The following PEBP4 variants were observed in gnomAD, a reference collection of about 807,000 sequenced individuals.
PEBP4 encodes phosphatidylethanolamine binding protein 4, also known as phosphatidylethanolamine-binding protein 4.
In PEBP4, 22 loss-of-function variants were observed where a neutral mutation model predicts 23.9. The observed-to-expected ratio is 0.92, with a 90% CI of 0.66 to 1.31. The LOEUF is 1.31. PEBP4 is among the 40% of genes most tolerant of loss of function. The pLI is 0.00. For synonymous variants in PEBP4, 112 were observed against 99.3 expected, an observed-to-expected ratio of 1.13 and a Z score of -0.76; for missense variants, 324 against 281.7, an observed-to-expected ratio of 1.15 and a Z score of -1.07.
chr8:22,892,799 CAGTA>C (rs760875245), intron 3 of PEBP4, among the ~76,000 whole-genome samples: 3 of 152,108 alleles, frequency 2.0e-5, no homozygotes, highest in Non-Finnish European at 4.4e-5. Context: ...CAGTGTGGGG[CAGTA>C]ATCAGCAAAA....
At chr8:22,769,853 C>T (rs192989600) in intron 4 of PEBP4, among the ~76,000 whole-genome samples, 60 of 152,196 alleles carry the variant, frequency 3.9e-4, no homozygotes, top group African/African-American at 1.4e-3. Context: ...AAAAGAAAGC[C>T]GTCATCCTTC....
intron 6 of PEBP4, among the ~76,000 whole-genome samples, chr8:22,719,475 G>T: frequency 6.6e-6 from 1 of 152,214 alleles, no homozygotes. Context: ...AGCCAGGGAG[G>T]GGGTGTGTGC....
intron 4 of PEBP4, among the ~76,000 whole-genome samples, chr8:22,768,816 C>G (rs550722683): frequency 2.5e-4 from 38 of 152,238 alleles, no homozygotes; most frequent in Middle Eastern, 3.4e-3. Context: ...GGAGACCCAC[C>G]CTTGGCTGTG....
At chr8:22,774,607 G>A (rs969668911) in intron 4 of PEBP4, among the ~76,000 whole-genome samples, 6 of 152,172 alleles carry the variant, frequency 3.9e-5, no homozygotes, top group East Asian at 1.9e-4. Flanking sequence ...GGTAGGGGCC[G>A]AGTCCCCTCC....
chr8:22,759,679 G>C (rs921800692), intron 4 of PEBP4, among the ~76,000 whole-genome samples: 1 of 152,198 alleles, frequency 6.6e-6, no homozygotes, highest in African/African-American at 2.4e-5. Flanking sequence ...TTGCAATCTT[G>C]ATTCCTTTCT....
chr8:22,817,527 A>G (rs1806768502), intron 4 of PEBP4, 110 bp downstream of exon 4: 3 of 1,011,152 alleles, frequency 3.0e-6, no homozygotes, highest in Admixed American at 1.8e-5. Flanking sequence ...GAGATGGGAC[A>G]CAGAAGTCCT....
intron 3 of PEBP4, among the ~76,000 whole-genome samples, chr8:22,824,372 C>T (rs1806923736): frequency 6.6e-6 from 1 of 152,124 alleles, no homozygotes; most frequent in Admixed American, 6.5e-5. Context: ...TCCCTCCCTG[C>T]CCTGATGTTC....
At chr8:22,807,916 A>G (rs553922631) in intron 4 of PEBP4, among the ~76,000 whole-genome samples, 1 of 145,604 alleles carries the variant, frequency 6.9e-6, no homozygotes, top group East Asian at 2.2e-4. Context: ...ACCTCTGTCC[A>G]CCTATCCATT....
chr8:22,733,427 G>GAACC (rs1351788145), intron 4 of PEBP4, among the ~76,000 whole-genome samples: 1 of 152,162 alleles, frequency 6.6e-6, no homozygotes, highest in African/African-American at 2.4e-5. Context: ...CTCACCTGGG[G>GAACC]AACCCCTTAG....
chr8:22,733,625 G>C (rs1171983126), intron 4 of PEBP4, among the ~76,000 whole-genome samples: 3 of 152,104 alleles, frequency 2.0e-5, no homozygotes, highest in African/African-American at 7.2e-5. Context: ...CAGAGCAAAG[G>C]GTCAGTCGCA....
At chr8:22,909,614 A>C (rs1169153562) in intron 3 of PEBP4, among the ~76,000 whole-genome samples, 1 of 151,942 alleles carries the variant, frequency 6.6e-6, no homozygotes, top group African/African-American at 2.4e-5. Context: ...CCCTGGAAAC[A>C]CCTCAGGATG....
chr8:22,819,230 CA>C (rs1467150770), intron 3 of PEBP4, among the ~76,000 whole-genome samples: 3 of 151,950 alleles, frequency 2.0e-5, no homozygotes, highest in Admixed American at 6.5e-5. Context: ...ACTTTAGAGC[CA>C]AAAAGTTTGG....
chr8:22,747,910 GC>G (rs978329391), intron 4 of PEBP4, among the ~76,000 whole-genome samples: 10 of 152,354 alleles, frequency 6.6e-5, no homozygotes, highest in African/African-American at 2.4e-4. Context: ...GGAGCCCAGG[GC>G]CGCGTGCAGG....
At chr8:22,721,739 A>G (rs1252043429) in intron 6 of PEBP4, among the ~76,000 whole-genome samples, 1 of 151,850 alleles carries the variant, frequency 6.6e-6, no homozygotes, top group Admixed American at 6.6e-5. Context: ...TCCTCCACGG[A>G]TTCTCTCCCC....
intron 4 of PEBP4, among the ~76,000 whole-genome samples, chr8:22,814,474 T>TG (rs1298681746): frequency 2.0e-5 from 3 of 152,104 alleles, no homozygotes; most frequent in African/African-American, 4.8e-5. Flanking sequence ...GGAGTGGAGG[T>TG]GGGGGGTGCC....
intron 3 of PEBP4, among the ~76,000 whole-genome samples, chr8:22,893,016 G>A (rs1172770708): frequency 6.6e-6 from 1 of 152,208 alleles, no homozygotes; most frequent in Non-Finnish European, 1.5e-5. Context: ...GGAAATTGCA[G>A]AAGGTCCTCT....
At chr8:22,728,565 T>TTCCTTCCTTCCTTCC (rs1804668644) in intron 4 of PEBP4, among the ~76,000 whole-genome samples, 2 of 79,308 alleles carry the variant, frequency 2.5e-5, no homozygotes, top group African/African-American at 7.0e-5. Flanking sequence ...TCTTTCTTCC[T>TTCCTTCCTTCCTTCC]TCCTTCCTTC....
At chr8:22,918,903 ATGGGTGTGCATGCAAGTGTGTG>A (rs1809135911) in intron 3 of PEBP4, among the ~76,000 whole-genome samples, 1 of 150,908 alleles carries the variant, frequency 6.6e-6, no homozygotes, top group African/African-American at 2.4e-5. Flanking sequence ...CTGTGTGCAC[ATGGGTGTGCATGCAAGTGTGTG>A]TGTGCACATG....
chr8:22,936,239 C>A (rs989062235), intron 1 of PEBP4, among the ~76,000 whole-genome samples: 1 of 150,818 alleles, frequency 6.6e-6, no homozygotes, highest in African/African-American at 2.4e-5. Context: ...GGAGATTACT[C>A]TAAAATTTAT....
Sources: allele counts gnomAD v4.1 joint callset (sites outside exome capture counted in the v4.1 genomes callset), GRCh38; gene constraint gnomAD v4.1.1; transcripts MANE v1.5; gene names NCBI Gene and HGNC (gene_info 2026-07-23, HGNC 2026-07-21).